The following SLC9C1 variants were observed in gnomAD, a reference collection of about 807,000 sequenced individuals.
SLC9C1 encodes the protein solute carrier family 9 member C1.
In SLC9C1, 97 loss-of-function variants were observed where a neutral mutation model predicts 140.9. The ratio of observed to expected loss-of-function variants is 0.69; its 90% CI spans 0.58 to 0.82. SLC9C1 has a LOEUF of 0.82. SLC9C1 is among the 40% of genes least tolerant of loss of function. The pLI is 0.00. For missense variants in SLC9C1, 1,340 were observed against 1,389.3 expected (o/e 0.96, Z 0.56); for synonymous variants, 440 against 442.6 (o/e 0.99, Z 0.07).
At chr3:112,250,141 C>T (rs2079411128) in intron 10 of SLC9C1, among the ~76,000 whole-genome samples, 1 of 151,204 alleles carries the variant, frequency 6.6e-6, no homozygotes, top group Admixed American at 6.6e-5. Context: ...CAATTCCCAC[C>T]TATGAGTGAG....
chr3:112,235,898 A>G (rs6768019), intron 12 of SLC9C1, among the ~76,000 whole-genome samples: 89,935 of 152,016 alleles, frequency 0.59, 27,124 homozygotes, highest in East Asian at 0.79. Flanking sequence ...TTTTTGCATC[A>G]ATGTTCATCA....
chr3:112,152,206 A>G (rs1241820125), intron 27 of SLC9C1, among the ~76,000 whole-genome samples: 1 of 152,064 alleles, frequency 6.6e-6, no homozygotes, highest in Non-Finnish European at 1.5e-5. Context: ...TATCTCTACC[A>G]TCTCGGAGAG....
At chr3:112,185,607 T>G in intron 20 of SLC9C1, 1 of 1,596,634 alleles carries the variant, frequency 6.3e-7, no homozygotes. Flanking sequence ...CCCGAAGCCC[T>G]CTCTCCCAAG....
At chr3:112,211,645 A>C (rs1156637238) in intron 15 of SLC9C1, among the ~76,000 whole-genome samples, 1 of 152,232 alleles carries the variant, frequency 6.6e-6, no homozygotes, top group African/African-American at 2.4e-5. Flanking sequence ...GCAAGGCAGC[A>C]GCAAGGCTGG....
chr3:112,253,729 C>T (rs1358394354), intron 10 of SLC9C1, among the ~76,000 whole-genome samples: 1 of 152,160 alleles, frequency 6.6e-6, no homozygotes, highest in Non-Finnish European at 1.5e-5. Context: ...GTCTTATATC[C>T]TCCAAATGAC....
chr3:112,217,626 GGAAGTTTAATGTTGTACA>G, intron 14 of SLC9C1, 65 bp from the exon 15 acceptor site: 1 of 1,424,034 alleles, frequency 7.0e-7, no homozygotes, highest in South Asian at 1.5e-5. Context: ...ATGTTGTACT[GGAAGTTTAATGTTGTACA>G]TAAGTTTAAT....
At chr3:112,193,091 C>T (rs1253305223) in intron 20 of SLC9C1, among the ~76,000 whole-genome samples, 1 of 152,066 alleles carries the variant, frequency 6.6e-6, no homozygotes, top group African/African-American at 2.4e-5. Context: ...TTTGTTCCAA[C>T]TGGAATCCAT....
At chr3:112,235,464 A>G (rs1443108452) in intron 12 of SLC9C1, among the ~76,000 whole-genome samples, 2 of 151,094 alleles carry the variant, frequency 1.3e-5, no homozygotes, top group Non-Finnish European at 2.9e-5. Context: ...ACTACCCTTT[A>G]TTTCCTTCTC....
At chr3:112,229,219 A>G (rs993347102) in intron 13 of SLC9C1, among the ~76,000 whole-genome samples, 6 of 152,094 alleles carry the variant, frequency 3.9e-5, no homozygotes, top group Non-Finnish European at 8.8e-5. Flanking sequence ...TAACAGATAC[A>G]AAGTTGCAGT....
At chr3:112,143,675 C>T (rs529976145) in intron 28 of SLC9C1, among the ~76,000 whole-genome samples, 5 of 152,290 alleles carry the variant, frequency 3.3e-5, no homozygotes, top group Admixed American at 6.5e-5. Flanking sequence ...TTCTCCCATA[C>T]TGTAGGTTGT....
chr3:112,211,434 G>A (rs2078200844), intron 15 of SLC9C1, among the ~76,000 whole-genome samples: 1 of 152,240 alleles, frequency 6.6e-6, no homozygotes, highest in South Asian at 2.1e-4. Flanking sequence ...AAGTGCAAGG[G>A]GTCGGGGGAT....
chr3:112,262,555 A>G (rs1411261323), intron 10 of SLC9C1, among the ~76,000 whole-genome samples: 1 of 151,944 alleles, frequency 6.6e-6, no homozygotes, highest in Non-Finnish European at 1.5e-5. Context: ...GACAATTAAA[A>G]TGTTTTGGCT....
At chr3:112,202,589 ATAAC>A in intron 17 of SLC9C1, among the ~76,000 whole-genome samples, 190 bp from the exon 18 acceptor site, 1 of 152,062 alleles carries the variant, frequency 6.6e-6, no homozygotes, top group East Asian at 1.9e-4. Flanking sequence ...CTATTTCCCT[ATAAC>A]TAATAATTTG....
At chr3:112,257,473 G>C (rs1239686677) in intron 10 of SLC9C1, among the ~76,000 whole-genome samples, 1 of 152,114 alleles carries the variant, frequency 6.6e-6, no homozygotes, top group Admixed American at 6.5e-5. Context: ...TCAATAAATG[G>C]TTTTGGGATA....
At chr3:112,250,009 C>A (rs2079404733) in intron 10 of SLC9C1, among the ~76,000 whole-genome samples, 1 of 151,762 alleles carries the variant, frequency 6.6e-6, no homozygotes, top group Non-Finnish European at 1.5e-5. Flanking sequence ...GTGTGCTGCA[C>A]CCATTAACTC....
intron 15 of SLC9C1, among the ~76,000 whole-genome samples, chr3:112,215,091 C>A (rs1229837380): frequency 1.3e-5 from 2 of 152,060 alleles, no homozygotes; most frequent in African/African-American, 4.8e-5. Flanking sequence ...GCATATAAAA[C>A]GAACCAAAGG....
intron 23 of SLC9C1, among the ~76,000 whole-genome samples, chr3:112,178,114 C>T (rs1362926144): frequency 6.6e-6 from 1 of 151,408 alleles, no homozygotes; most frequent in Non-Finnish European, 1.5e-5. Context: ...TTTTCTTTGC[C>T]TTCTTCCCCT....
At chr3:112,186,112 T>C in intron 20 of SLC9C1, 1 of 740,800 alleles carries the variant, frequency 1.3e-6, no homozygotes, top group Non-Finnish European at 2.1e-6. Flanking sequence ...TTCTTACTGA[T>C]TTGTATATTC....
rs1035253638 is a variant in SLC9C1 at position 112,293,348 on chromosome 3, T to C, written c.-88+745A>G. Among the ~76,000 whole-genome samples, 3 of 152,154 alleles carry C rather than the reference T, an allele frequency of 2.0e-5. No homozygotes were observed. The South Asian group carries it at 6.2e-4, about 32-fold the overall frequency. ...TCTCTTTGTGTGTGGAGGAAATTAA[T>C]GACTGCCCTCTCAAAAATGACATGA... On this transcript the variant is annotated intron_variant, in intron 1 of 28. Transcript: ENST00000305815.
Sources: gnomAD v4.1 joint callset for allele counts (sites outside exome capture counted in the v4.1 genomes callset) on GRCh38, gnomAD v4.1.1 for gene constraint, MANE v1.5 for transcripts, NCBI Gene and HGNC (gene_info 2026-07-23, HGNC 2026-07-21) for gene names.